The following ATG14 variants were observed in gnomAD, a reference collection of about 807,000 sequenced individuals.
The protein encoded by ATG14 is autophagy related 14.
Under a neutral mutation model 60.4 loss-of-function variants are expected in ATG14, and 35 were observed. That is an observed-to-expected ratio of 0.58 (90% CI 0.44 to 0.77). The LOEUF is 0.77. ATG14 is among the 30% of genes least tolerant of loss of function. The probability of loss-of-function intolerance (pLI) is 0.00; values close to 1 mark genes in which losing one functional copy is unlikely to be tolerated. For synonymous variants in ATG14, 234 were observed against 228.8 expected (o/e 1.02, Z -0.21); for missense variants, 647 against 626.3 (o/e 1.03, Z -0.35).
Position 55,411,626 on chromosome 14 carries a change from T to G in ATG14, c.197A>C (p.Tyr66Ser), listed in dbSNP as rs780877898. Residue 66 changes from tyrosine (Y) to serine (S), a missense_variant, in exon 1 of 10, where the codon TAC becomes TCC. Physicochemically the swap from Tyr to Ser is moderately radical, Grantham distance 144. Transcript: ENST00000247178. ...CCTCTCCCGGTCGCGGCCGTCGAAG[T>G]AGACGAAATCGCCGCTCTGAACGCA... ...AKCVQSGDFV[Y>S]FDGRDRERFI... 6.2e-7 allele frequency: 1 copy of G among 1,611,996 alleles called. No individual in the cohort carries two copies. The highest frequency in any genetic ancestry group is 2.2e-5 in the East Asian group (1 of 44,838).
At chr14:55,374,940 A>G (rs1228555648) in intron 9 of ATG14, among the ~76,000 whole-genome samples, 2 of 152,124 alleles carry the variant, frequency 1.3e-5, no homozygotes, top group African/African-American at 2.4e-5. Flanking sequence ...ATCCCTCATT[A>G]TTGTTTTCAA....
At chr14:55,371,935 C>A (rs1244314379) in intron 9 of ATG14, among the ~76,000 whole-genome samples, 1 of 152,232 alleles carries the variant, frequency 6.6e-6, no homozygotes, top group Non-Finnish European at 1.5e-5. Flanking sequence ...CCTTGAATTT[C>A]TCTGCCAGCA....
chr14:55,381,734 A>G (rs1200878650), intron 6 of ATG14, among the ~76,000 whole-genome samples: 1 of 152,216 alleles, frequency 6.6e-6, no homozygotes, highest in Non-Finnish European at 1.5e-5. Context: ...TGTGGTTGCC[A>G]GGAGCTGAGG....
At chr14:55,399,248 TA>T (rs1885361985) in intron 1 of ATG14, among the ~76,000 whole-genome samples, 2 of 152,200 alleles carry the variant, frequency 1.3e-5, no homozygotes, top group Non-Finnish European at 2.9e-5. Context: ...TATATACTTA[TA>T]ATGTGACTAT....
rs185419865 is a variant in ATG14 at position 55,401,983 on chromosome 14, G to A, written c.222-4549C>T. ...CTAATGAGGTAGTGGTTATGAATGC[G>A]AGTCTCACTTCCACTCTGTTCCCCG... On this transcript the variant is annotated intron_variant, in intron 1 of 9. Coordinates refer to ENST00000247178, the MANE Select transcript of ATG14 (RefSeq NM_014924.5). Among the ~76,000 whole-genome samples, 473 of 152,292 alleles carry A rather than the reference G, an allele frequency of 3.1e-3. 2 individuals are homozygous for A. The highest frequency in any genetic ancestry group is 0.011 in the African/African-American group (451 of 41,560).
intron 9 of ATG14, among the ~76,000 whole-genome samples, chr14:55,374,646 T>C (rs772069822): frequency 2.0e-5 from 3 of 152,236 alleles, no homozygotes; most frequent in Non-Finnish European, 4.4e-5. Context: ...TTGCTTATTT[T>C]ATAGCTGTAT....
Position 55,369,738 on chromosome 14 carries a change from A to T in ATG14, c.1360T>A (p.Ser454Thr). The T allele has an allele frequency of 6.2e-7, 1 of 1,613,856 alleles. No individual in the cohort carries two copies. The highest frequency in any genetic ancestry group is 8.5e-7 in the Non-Finnish European group (1 of 1,179,820). Residue 454 changes from serine (S) to threonine (T), a missense_variant, in exon 10 of 10, where the codon TCC becomes ACC. Physicochemically the swap from Ser to Thr is moderately conservative, Grantham distance 58. Coordinates refer to ENST00000247178, the MANE Select transcript of ATG14 (RefSeq NM_014924.5). ...GACGCCTGGGTGCTCTGACTCTGGG[A>T]GACTTCCACAGACTGGGAAGGGATA... ...CDIPSQSVEV[S>T]QSQSTQASPP...
At chr14:55,385,197 A>C (rs1354790921) in intron 5 of ATG14, among the ~76,000 whole-genome samples, 4 of 152,238 alleles carry the variant, frequency 2.6e-5, no homozygotes, top group Admixed American at 1.3e-4. Context: ...CCCATTTATC[A>C]GACAAGGAAA....
chr14:55,369,938 A>G lies in ATG14; in HGVS notation c.1173-13T>C, dbSNP rs142201453. ...AAAGGGCCCTGACCTGTGTGCAGAC[A>G]ATGAGGGTCTCTTTAGGATAACAAC... is the stretch of plus-strand genomic sequence containing the variant. On this transcript the variant is annotated splice_polypyrimidine_tract_variant and intron_variant, in intron 9 of 9. Coordinates refer to ENST00000247178, the MANE Select transcript of ATG14 (RefSeq NM_014924.5). 1.9e-6 allele frequency: 3 copies of G among 1,578,766 alleles called. No individual in the cohort carries two copies. The highest frequency in any genetic ancestry group is 2.6e-6 in the Non-Finnish European group (3 of 1,160,334).
intron 7 of ATG14, among the ~76,000 whole-genome samples, chr14:55,378,625 C>T (rs1190847176): frequency 1.3e-5 from 2 of 152,138 alleles, no homozygotes; most frequent in African/African-American, 4.8e-5. Flanking sequence ...CTCCCTCCCT[C>T]CCTCAGTTCC....
At chr14:55,380,852 T>C (rs926372157) in intron 6 of ATG14, among the ~76,000 whole-genome samples, 162 bp from the exon 7 acceptor site, 13 of 93,762 alleles carry the variant, frequency 1.4e-4, no homozygotes, top group Non-Finnish European at 2.1e-4. Flanking sequence ...CCATTCTTTG[T>C]GTGTATATAT....
rs1171011074 is a variant in ATG14, at chr14:55,366,420, A to C, written c.*3199T>G. ...GTTAAAAGATTTATTGCAGTAATAC[A>C]ATAAAAGTTTAGAAAACATTTGTAT... On this transcript the variant is annotated 3_prime_UTR_variant, in exon 10 of 10. Coordinates refer to ENST00000247178, the MANE Select transcript of ATG14 (RefSeq NM_014924.5). 1.3e-5 allele frequency: 2 copies of C among 152,654 alleles called. No individual in the cohort carries two copies. Among genetic ancestry groups the C allele is most frequent in the Non-Finnish European group, 2.9e-5 (2 of 68,046 alleles). 9.5% of individuals were successfully genotyped at this position (152,654 alleles called of 1,614,324 possible). A position where few individuals can be genotyped will look rare whatever the true frequency, so the allele number is the denominator to read the frequency against.
Position 55,367,151 on chromosome 14 carries a change from A to G in ATG14, c.*2468T>C, listed in dbSNP as rs1487236451. ...TCTCTGGATTCTATTCTTTAGCTTC[A>G]TCTCTCATTCATGGTTTCATAAGAG... On this transcript the variant is annotated 3_prime_UTR_variant, in exon 10 of 10. Coordinates refer to ENST00000247178, the MANE Select transcript of ATG14 (RefSeq NM_014924.5). The G allele has an allele frequency of 6.6e-6, 1 of 152,358 alleles. No homozygotes were observed. The highest frequency in any genetic ancestry group is 2.4e-5 in the African/African-American group (1 of 41,448). The allele number at this position is 152,358 out of a possible 1,614,324, so 9.4% of individuals were successfully genotyped here. A position where few individuals can be genotyped will look rare whatever the true frequency, so the allele number is the denominator to read the frequency against.
At chr14:55,397,556 T>A (rs1005684922) in intron 1 of ATG14, 122 bp from the exon 2 acceptor site, 2 of 764,300 alleles carry the variant, frequency 2.6e-6, no homozygotes, top group Non-Finnish European at 4.5e-6. Flanking sequence ...GTCCTGATAG[T>A]AAATACACGT....
chr14:55,411,449 G>A (rs1001447718), intron 1 of ATG14, among the ~76,000 whole-genome samples, 153 bp downstream of exon 1: 5 of 152,206 alleles, frequency 3.3e-5, no homozygotes, highest in Non-Finnish European at 7.4e-5. Context: ...TGGTAGCAAA[G>A]CTCCGGTGCA....
chr14:55,402,973 A>ATATATG (rs1566585838), intron 1 of ATG14, among the ~76,000 whole-genome samples: 3 of 109,426 alleles, frequency 2.7e-5, no homozygotes, highest in South Asian at 3.5e-4. Context: ...ATATATAAAT[A>ATATATG]GCTGGGCATA....
intron 9 of ATG14, among the ~76,000 whole-genome samples, chr14:55,377,139 G>A (rs573134814): frequency 6.6e-6 from 1 of 152,312 alleles, no homozygotes; most frequent in South Asian, 2.1e-4. Context: ...CAGAGGTCAG[G>A]AGTTTGAGAC....
At chr14:55,371,676 C>A (rs1302422999) in intron 9 of ATG14, among the ~76,000 whole-genome samples, 5 of 152,088 alleles carry the variant, frequency 3.3e-5, no homozygotes, top group African/African-American at 1.2e-4. Context: ...TGATGGCGGG[C>A]ACCTGTAGTC....
chr14:55,368,056 C>T lies in ATG14; in HGVS notation c.*1563G>A, dbSNP rs1475401512. 3 of 152,572 alleles carry T rather than the reference C, an allele frequency of 2.0e-5. No individual in the cohort carries two copies. Among genetic ancestry groups the T allele is most frequent in the African/African-American group, 4.8e-5 (2 of 41,440 alleles). 9.5% of individuals were successfully genotyped at this position (152,572 alleles called of 1,614,324 possible). A position where few individuals can be genotyped will look rare whatever the true frequency, so the allele number is the denominator to read the frequency against. ...GTAATAATGCCTGTTAGGACTCTTT[C>T]ATAGGATTTCTTTTGGTAGTTGTTA... On this transcript the variant is annotated 3_prime_UTR_variant, in exon 10 of 10. Transcript: ENST00000247178.
Sources: allele counts gnomAD v4.1 joint callset (sites outside exome capture counted in the v4.1 genomes callset), GRCh38; gene constraint gnomAD v4.1.1; transcripts MANE v1.5; gene names NCBI Gene and HGNC (gene_info 2026-07-23, HGNC 2026-07-21).